ABCC2: variants seen among roughly 807,000 people sequenced by gnomAD.
The protein encoded by ABCC2 is ATP-binding cassette sub-family C member 2.
Under a neutral mutation model 173.4 loss-of-function variants are expected in ABCC2, and 157 were observed. The ratio of observed to expected loss-of-function variants is 0.91; its 90% CI spans 0.80 to 1.03. The LOEUF (loss-of-function observed/expected upper bound fraction) is 1.03, where lower values mean the gene tolerates loss of function less well. Among genes scored for constraint, ABCC2 ranks in the 50% least tolerant of loss-of-function variants. The pLI is 0.00. For missense variants in ABCC2, 1,822 were observed against 1,852.3 expected, an observed-to-expected ratio of 0.98 and a Z score of 0.30; for synonymous variants, 657 against 693.5, an observed-to-expected ratio of 0.95 and a Z score of 0.83.
Position 99,850,617 on chromosome 10 carries a change from G to A in ABCC2, c.4329G>A (p.Gln1443=). ...AGGNLSIGQR[Q]LLCLGRALLR... ...TTGGCTGCAGCATAGGCCAGAGGCA[G>A]CTGCTGTGCCTGGGCAGGGCTCTGC... Residue 1443 remains glutamine, a synonymous_variant, in exon 31 of 32, where the codon CAG becomes CAA. Coordinates refer to ENST00000647814, the MANE Select transcript of ABCC2 (RefSeq NM_000392.5). 1 of 1,614,206 alleles carries A rather than the reference G, an allele frequency of 6.2e-7. No individual in the cohort carries two copies. The highest frequency in any genetic ancestry group is 8.5e-7 in the Non-Finnish European group (1 of 1,180,038).
chr10:99,845,933 G>A (rs2039010345), intron 29 of ABCC2, 151 bp downstream of exon 29: 1 of 895,430 alleles, frequency 1.1e-6, no homozygotes, highest in South Asian at 1.5e-5. Flanking sequence ...GGATGGACAC[G>A]TCATTTCCAG....
At chr10:99,819,828 T>TAA (rs1279723983) in intron 19 of ABCC2, among the ~76,000 whole-genome samples, 2 of 152,214 alleles carry the variant, frequency 1.3e-5, no homozygotes, top group Non-Finnish European at 2.9e-5. Flanking sequence ...CAGCCTCTAA[T>TAA]ATCACCACCA....
chr10:99,800,545 G>A lies in ABCC2; in HGVS notation c.1191G>A (p.Met397Ile), dbSNP rs2133004125. ...GTGTAAAAGTACGGACAGCTATCAT[G>A]GCTTCTGTATATAAGAAGGTAAGCA... ...KLGVKVRTAI[M>I]ASVYKKALTL... The change falls in exon 9 of 32, where the codon ATG becomes ATA. Residue 397 changes from methionine to isoleucine, a missense_variant. Transcript: ENST00000647814. The A allele has an allele frequency of 6.2e-7, 1 of 1,614,132 alleles. No homozygotes were observed. The highest frequency in any genetic ancestry group is 1.1e-5 in the South Asian group (1 of 91,082).
At chr10:99,847,274 C>T (rs79183306) in intron 30 of ABCC2, 147 bp downstream of exon 30, 1 of 1,010,850 alleles carries the variant, frequency 9.9e-7, no homozygotes, top group African/African-American at 1.6e-5. Flanking sequence ...TTGTAAAGTT[C>T]ACAAGATAAA....
intron 11 of ABCC2, 44 bp downstream of exon 11, chr10:99,805,491 A>G: frequency 6.3e-7 from 1 of 1,584,912 alleles, no homozygotes. Flanking sequence ...TAAGGACAGA[A>G]GCAGTGGCTC....
In ABCC2 at chr10:99,847,034, G is replaced by C. The variant is rs1197522109; in HGVS notation, c.4220G>C (p.Trp1407Ser). 5 of 1,614,082 alleles carry C rather than the reference G, an allele frequency of 3.1e-6. No individual in the cohort carries two copies. In the Admixed American group the frequency reaches 8.3e-5, roughly 27 times the overall value. The change falls in exon 30 of 32, where the codon TGG (tryptophan) becomes TCG (serine). Residue 1407 changes from tryptophan (W) to serine (S), a missense_variant. Transcript: ENST00000647814. ...PFNNYSDEEI[W>S]KALELAHLKS... ...AACAACTACTCAGATGAGGAGATTT[G>C]GAAGGCCTTGGAGCTGGCTCACCTC...
chr10:99,825,918 C>A (rs1437239419), intron 19 of ABCC2, among the ~76,000 whole-genome samples: 4 of 152,220 alleles, frequency 2.6e-5, no homozygotes, highest in African/African-American at 9.6e-5. Flanking sequence ...TCCCTGAAAA[C>A]CCTGAGGAAC....
At chr10:99,842,341 A>G (rs2038960731) in intron 26 of ABCC2, among the ~76,000 whole-genome samples, 1 of 152,158 alleles carries the variant, frequency 6.6e-6, no homozygotes, top group Admixed American at 6.5e-5. Flanking sequence ...GCAATTTCAT[A>G]TGTTTCAATC....
At chr10:99,799,128 A>G in intron 7 of ABCC2, 79 bp from the exon 8 acceptor site, 1 of 1,560,414 alleles carries the variant, frequency 6.4e-7, no homozygotes, top group African/African-American at 1.4e-5. Context: ...CACGGGGCTC[A>G]CAGGCTGACC....
At position 99,845,623 on chromosome 10, in the gene ABCC2, G is replaced by A. The variant is rs1344691989; in HGVS notation, c.3988-1G>A. ...AATGTGTAAGGGAACTATATTCGCA[G>A]ATTGGTGTGGTGGGCAGGACAGGAG... On this transcript the variant is annotated splice_acceptor_variant, in intron 28 of 31. Coordinates refer to ENST00000647814, the MANE Select transcript of ABCC2 (RefSeq NM_000392.5). LOFTEE classifies it high-confidence loss of function. The A allele has an allele frequency of 6.2e-7, 1 of 1,614,106 alleles. No individual in the cohort carries two copies.
intron 12 of ABCC2, 35 bp from the exon 13 acceptor site, chr10:99,808,048 T>C (rs1164852861): frequency 6.2e-7 from 1 of 1,612,444 alleles, no homozygotes; most frequent in East Asian, 2.2e-5. Context: ...TGGTCCCTTT[T>C]AGGAATAAAT....
chr10:99,834,956 T>C (rs1455485835), intron 24 of ABCC2, among the ~76,000 whole-genome samples: 4 of 152,252 alleles, frequency 2.6e-5, no homozygotes. Context: ...CTTGGAGATG[T>C]CTCTCAGCAG....
Position 99,808,219 on chromosome 10 carries a change from C to T in ABCC2, c.1805C>T (p.Ser602Phe), listed in dbSNP as rs750165659. ...PLSMLPMMISSMLQASVSTER... is the reference protein window; with the variant it reads ...PLSMLPMMISFMLQASVSTER... ...AGCATGCTTCCCATGATGATCTCCT[C>T]CATGCTCCAGGTAGGTCGGCATTCT... The change falls in exon 13 of 32, where the codon TCC becomes TTC. Residue 602 changes from serine (S) to phenylalanine (F), a missense_variant. By Grantham distance (155) the Ser-to-Phe change is radical. Coordinates refer to ENST00000647814, the MANE Select transcript of ABCC2 (RefSeq NM_000392.5). The T allele has an allele frequency of 3.1e-6, 5 of 1,614,080 alleles. No homozygotes were observed. The highest frequency in any genetic ancestry group is 1.7e-5 in the Admixed American group (1 of 60,018).
intron 3 of ABCC2, 110 bp from the exon 4 acceptor site, chr10:99,793,441 C>T (rs1433524978): frequency 5.3e-6 from 8 of 1,503,974 alleles, no homozygotes; most frequent in Non-Finnish European, 6.5e-6. Context: ...TTAGTCACGA[C>T]AGTCTCCTCC....
chr10:99,834,350 A>T (rs755936284), intron 23 of ABCC2, 30 bp from the exon 24 acceptor site: 2 of 1,612,442 alleles, frequency 1.2e-6, no homozygotes, highest in Non-Finnish European at 1.7e-6. Context: ...GACCTCAGTG[A>T]TGGTGTATCT....
At chr10:99,823,401 G>A (rs1376409198) in intron 19 of ABCC2, among the ~76,000 whole-genome samples, 2 of 152,102 alleles carry the variant, frequency 1.3e-5, no homozygotes, top group African/African-American at 4.8e-5. Flanking sequence ...TTTTCTTACA[G>A]TTTATTGTAA....
chr10:99,819,131 G>A lies in ABCC2; in HGVS notation c.2482G>A (p.Val828Met), dbSNP rs752751273. The change falls in exon 19 of 32, where the codon GTG becomes ATG. Residue 828 changes from valine (V) to methionine (M), a missense_variant. Transcript: ENST00000647814. Reference sequence around the variant, plus strand: ...ACATAGCATGCACTTTCTTCCTCAAGTGGATGAGATTGTAGTTCTGGGGAA... The same window carrying A: ...ACATAGCATGCACTTTCTTCCTCAAATGGATGAGATTGTAGTTCTGGGGAA... ...VTHSMHFLPQ[V>M]DEIVVLGNGT... 13 of 1,614,080 alleles carry A rather than the reference G, an allele frequency of 8.1e-6. No individual in the cohort carries two copies. The African/African-American group carries it at 9.3e-5, about 12-fold the overall frequency.
At chr10:99,829,468 T>TTGA (rs1682997554) in intron 19 of ABCC2, among the ~76,000 whole-genome samples, 2 of 152,234 alleles carry the variant, frequency 1.3e-5, no homozygotes, top group Admixed American at 1.3e-4. Flanking sequence ...TAATCATTAT[T>TTGA]CTAATTGCTT....
chr10:99,840,857 C>A (rs190221949), intron 25 of ABCC2, among the ~76,000 whole-genome samples: 4 of 151,996 alleles, frequency 2.6e-5, no homozygotes, highest in African/African-American at 9.7e-5. Context: ...GGTCCTGACC[C>A]CTCATCCTCT....
Sources: allele counts gnomAD v4.1 joint callset (sites outside exome capture counted in the v4.1 genomes callset), GRCh38; gene constraint gnomAD v4.1.1; transcripts MANE v1.5; gene names NCBI Gene and HGNC (gene_info 2026-07-23, HGNC 2026-07-21).